ZNF626: variants seen among roughly 807,000 people sequenced by gnomAD.
The protein encoded by ZNF626 is zinc finger protein 626.
ZNF626 carries 4 observed loss-of-function variants against 11.7 expected under a neutral mutation model. The observed-to-expected ratio is 0.34, with a 90% CI of 0.17 to 0.78. The LOEUF (loss-of-function observed/expected upper bound fraction) is 0.78, where lower values mean the gene tolerates loss of function less well. Among genes scored for constraint, ZNF626 ranks in the 30% least tolerant of loss-of-function variants. The probability of loss-of-function intolerance (pLI) is 0.57; values close to 1 mark genes in which losing one functional copy is unlikely to be tolerated. For missense variants in ZNF626, 588 were observed against 587.1 expected (o/e 1.00, Z -0.01); for synonymous variants, 179 against 198.6 (o/e 0.90, Z 0.83).
intron 3 of ZNF626, among the ~76,000 whole-genome samples, chr19:20,631,274 T>C (rs1355807261): frequency 6.6e-6 from 1 of 152,050 alleles, no homozygotes; most frequent in Non-Finnish European, 1.5e-5. Flanking sequence ...GAGAGTTCTA[T>C]AAATGTCTAT....
chr19:20,631,945 T>C (rs1969910721), intron 3 of ZNF626, among the ~76,000 whole-genome samples: 1 of 151,966 alleles, frequency 6.6e-6, no homozygotes, highest in Non-Finnish European at 1.5e-5. Context: ...CCTTTCCATG[T>C]TTAGTGCTTC....
chr19:20,627,580 T>C (rs894663760), intron 3 of ZNF626, among the ~76,000 whole-genome samples: 2 of 152,012 alleles, frequency 1.3e-5, no homozygotes, highest in Non-Finnish European at 2.9e-5. Context: ...TTAGTAAGTT[T>C]TTCTCTTTCA....
intron 1 of ZNF626, among the ~76,000 whole-genome samples, chr19:20,653,906 C>T (rs1388520493): frequency 5.3e-5 from 8 of 152,106 alleles, no homozygotes; most frequent in African/African-American, 1.7e-4. Context: ...TGGGTGGCCA[C>T]ATCACCTGTC....
chr19:20,644,580 A>G (rs1207531659), intron 3 of ZNF626: 2 of 153,112 alleles, frequency 1.3e-5, no homozygotes, highest in African/African-American at 4.9e-5. Context: ...TGTCTGCTCC[A>G]TCAAATTCAA....
At chr19:20,650,242 T>G (rs1247129042) in intron 1 of ZNF626, among the ~76,000 whole-genome samples, 1 of 141,882 alleles carries the variant, frequency 7.0e-6, no homozygotes, top group African/African-American at 2.5e-5. Flanking sequence ...GCCATCAAAT[T>G]TGTTAAAAAA....
At chr19:20,643,239 C>T (rs117228238) in intron 3 of ZNF626, among the ~76,000 whole-genome samples, 2,845 of 151,886 alleles carry the variant, frequency 0.019, 53 homozygotes, top group Non-Finnish European at 0.027. Flanking sequence ...TTACACAAAA[C>T]GAAACTGCTG....
chr19:20,655,389 A>T (rs1308248539), intron 1 of ZNF626, among the ~76,000 whole-genome samples: 1 of 152,148 alleles, frequency 6.6e-6, no homozygotes, highest in Non-Finnish European at 1.5e-5. Flanking sequence ...TCTTTGTGCT[A>T]AGCTTCTGTG....
At chr19:20,643,888 A>C (rs1362663038) in intron 3 of ZNF626, among the ~76,000 whole-genome samples, 1 of 152,216 alleles carries the variant, frequency 6.6e-6, no homozygotes, top group Non-Finnish European at 1.5e-5. Flanking sequence ...TTAAAGCTGA[A>C]GTTCGAGACG....
At chr19:20,633,021 C>A (rs1378727606) in intron 3 of ZNF626, among the ~76,000 whole-genome samples, 65 of 152,174 alleles carry the variant, frequency 4.3e-4, no homozygotes, top group African/African-American at 1.5e-3. Flanking sequence ...CCCTCAGCTG[C>A]AGGTCTGTTG....
Position 20,625,693 on chromosome 19 carries a change from CAG to C in ZNF626, c.227-45_227-44del, listed in dbSNP as rs781975872. On this transcript the variant is annotated intron_variant, in intron 3 of 3. Transcript: ENST00000601440. The stretch of plus-strand genomic sequence containing the variant: ...AACACATTACTTCAATTGGTAGACT[CAG>C]ATAAATATAAATATATATATGCAGT... 3.3e-6 allele frequency: 5 copies of C among 1,496,768 alleles called. No homozygotes were observed. The Admixed American group carries it at 9.5e-5, about 28-fold the overall frequency. The allele number at this position is 1,496,768 out of a possible 1,614,324, so 92.7% of individuals were successfully genotyped here.
At chr19:20,625,782 T>C (rs1969823612) in intron 3 of ZNF626, 132 bp from the exon 4 acceptor site, 1 of 962,252 alleles carries the variant, frequency 1.0e-6, no homozygotes, top group East Asian at 3.0e-5. Context: ...CAAGCTGTAA[T>C]TTCTTCCTGG....
In ZNF626 at chr19:20,624,171, T is replaced by G; in HGVS notation, c.*119A>C. The G allele has an allele frequency of 6.5e-7, 1 of 1,537,280 alleles. No homozygotes were observed. Among genetic ancestry groups the G allele is most frequent in the South Asian group, 1.1e-5 (1 of 89,404 alleles). ...AGGAGTGCTTAAAGGCTTTGCCACA[T>G]TCTTCACATCTGTAGGGTTTTTTTC... On this transcript the variant is annotated 3_prime_UTR_variant, in exon 4 of 4. Coordinates refer to ENST00000601440, the MANE Select transcript of ZNF626 (RefSeq NM_001076675.3).
chr19:20,646,139 A>C, intron 2 of ZNF626, 140 bp downstream of exon 2: 1 of 1,117,142 alleles, frequency 9.0e-7, no homozygotes, highest in Admixed American at 3.4e-5. Flanking sequence ...ATTCTTTTCT[A>C]AACGAACAAA....
Position 20,624,394 on chromosome 19 carries a change from T to G in ZNF626, c.1483A>C (p.Ile495Leu). The change falls in exon 4 of 4, where the codon ATC becomes CTC. Residue 495 changes from isoleucine to leucine, a missense_variant. By Grantham distance (5) the Ile-to-Leu change is conservative (BLOSUM62 2). Transcript: ENST00000601440. ...ATGATTCTCTCATGTGTAGTAAGGA[T>G]TGAGGACTGGTTGAAGGCTTTGCCA... ...ECGKAFNQSS[I>L]LTTHERIILE... 19 of 737,378 alleles carry G rather than the reference T, an allele frequency of 2.6e-5. 7 individuals are homozygous for G. Among genetic ancestry groups the G allele is most frequent in the Non-Finnish European group, 3.7e-5 (17 of 459,702 alleles). The allele number at this position is 737,378 out of a possible 1,614,324, so 45.7% of individuals were successfully genotyped here. A position where few individuals can be genotyped will look rare whatever the true frequency, so the allele number is the denominator to read the frequency against.
At chr19:20,638,284 G>C (rs145450002) in intron 3 of ZNF626, among the ~76,000 whole-genome samples, 1 of 151,816 alleles carries the variant, frequency 6.6e-6, no homozygotes, top group African/African-American at 2.4e-5. Flanking sequence ...AATTAGCTGG[G>C]CATGGTGGCG....
chr19:20,632,413 T>C (rs1341355402), intron 3 of ZNF626, among the ~76,000 whole-genome samples: 2 of 152,248 alleles, frequency 1.3e-5, no homozygotes, highest in Non-Finnish European at 2.9e-5. Context: ...TCCCCGTCAC[T>C]TTTAGATACA....
chr19:20,657,464 AT>A (rs1970216956), intron 1 of ZNF626, among the ~76,000 whole-genome samples: 1 of 152,178 alleles, frequency 6.6e-6, no homozygotes, highest in African/African-American at 2.4e-5. Context: ...AAAAATGACC[AT>A]GTCCTTTGCA....
At chr19:20,645,519 TA>T (rs1970066618) in intron 3 of ZNF626, 164 bp downstream of exon 3, 2 of 1,566,478 alleles carry the variant, frequency 1.3e-6, no homozygotes, top group South Asian at 2.4e-5. Context: ...TAAGCAAAAT[TA>T]AAAAAGAAAA....
intron 1 of ZNF626, among the ~76,000 whole-genome samples, chr19:20,653,128 G>A (rs1970165685): frequency 6.6e-6 from 1 of 152,170 alleles, no homozygotes; most frequent in African/African-American, 2.4e-5. Flanking sequence ...CTGCACAAGT[G>A]TGAATTTACT....
Sources: allele counts gnomAD v4.1 joint callset (sites outside exome capture counted in the v4.1 genomes callset), GRCh38; gene constraint gnomAD v4.1.1; transcripts MANE v1.5; gene names NCBI Gene and HGNC (gene_info 2026-07-23, HGNC 2026-07-21).